The following RFX3 variants were observed in gnomAD, a reference collection of about 807,000 sequenced individuals.
The protein encoded by RFX3 is regulatory factor X3.
Under a neutral mutation model 98.6 loss-of-function variants are expected in RFX3, and 14 were observed. The observed-to-expected ratio is 0.14, with a 90% CI of 0.09 to 0.22. The LOEUF (loss-of-function observed/expected upper bound fraction) is 0.22, where lower values mean the gene tolerates loss of function less well. RFX3 is among the 10% of genes least tolerant of loss of function. The pLI, the probability that RFX3 is intolerant of heterozygous loss-of-function variation, is 1.00. For synonymous variants in RFX3, 383 were observed against 328.4 expected (o/e 1.17, Z -1.80); for missense variants, 639 against 926.9 (o/e 0.69, Z 4.03).
At chr9:3,359,404 A>G (rs1836153427) in intron 2 of RFX3, among the ~76,000 whole-genome samples, 1 of 152,016 alleles carries the variant, frequency 6.6e-6, no homozygotes, top group Non-Finnish European at 1.5e-5. Flanking sequence ...CTTTGTTATA[A>G]TAGTAAAGGT....
At chr9:3,392,257 G>C (rs1000075559) in intron 2 of RFX3, among the ~76,000 whole-genome samples, 1 of 151,314 alleles carries the variant, frequency 6.6e-6, no homozygotes, top group Non-Finnish European at 1.5e-5. Context: ...GAAAGACAGA[G>C]ACATAGTAAA....
At chr9:3,392,745 C>G (rs1398414989) in intron 2 of RFX3, among the ~76,000 whole-genome samples, 1 of 151,862 alleles carries the variant, frequency 6.6e-6, no homozygotes, top group African/African-American at 2.4e-5. Flanking sequence ...ATCACATAAA[C>G]CACATAAAAA....
intron 1 of RFX3, among the ~76,000 whole-genome samples, chr9:3,455,364 C>T (rs900547227): frequency 6.6e-6 from 1 of 151,876 alleles, no homozygotes; most frequent in Non-Finnish European, 1.5e-5. Flanking sequence ...TCAGGCAAGC[C>T]TTCCCTTCCC....
intron 4 of RFX3, among the ~76,000 whole-genome samples, chr9:3,311,301 G>C (rs78869193): frequency 0.058 from 8,889 of 152,190 alleles, 852 homozygotes; most frequent in African/African-American, 0.2. Context: ...TACCTGGTTT[G>C]CATCTTGAGA....
chr9:3,390,521 T>C (rs1840197620), intron 2 of RFX3, among the ~76,000 whole-genome samples: 2 of 152,230 alleles, frequency 1.3e-5, no homozygotes, highest in East Asian at 3.9e-4. Flanking sequence ...AGCAAACTTG[T>C]GGGGAATTGC....
chr9:3,508,507 A>G (rs1587898050), intron 1 of RFX3, among the ~76,000 whole-genome samples: 1 of 151,996 alleles, frequency 6.6e-6, no homozygotes. Flanking sequence ...CATCTGAAAC[A>G]GCGGCATTAA....
chr9:3,439,249 C>T (rs540508727), intron 1 of RFX3, among the ~76,000 whole-genome samples: 18 of 152,052 alleles, frequency 1.2e-4, no homozygotes, highest in Middle Eastern at 3.4e-3. Flanking sequence ...ATAGCCTCTG[C>T]TTCCACCCTG....
rs143423074 is a variant in RFX3, at chr9:3,293,905, T to A, written c.550-647A>T. On this transcript the variant is annotated intron_variant, in intron 5 of 16. Transcript: ENST00000617270. ...ACATGTAATGAAAAGGAATCATTTA[T>A]TACAACCATTTTAATTTTTCTACCT... Among the ~76,000 whole-genome samples, 926 of 152,298 alleles carry A rather than the reference T, an allele frequency of 6.1e-3. 3 individuals carry two copies. The highest frequency in any genetic ancestry group is 9.9e-3 in the Non-Finnish European group (670 of 68,014).
At chr9:3,245,299 C>A (rs952827919) in intron 15 of RFX3, among the ~76,000 whole-genome samples, 1 of 152,048 alleles carries the variant, frequency 6.6e-6, no homozygotes. Context: ...GTAGAAAGAA[C>A]CATTTATGCA....
At chr9:3,432,586 CA>C (rs990086826) in intron 1 of RFX3, among the ~76,000 whole-genome samples, 3 of 150,856 alleles carry the variant, frequency 2.0e-5, no homozygotes, top group Non-Finnish European at 4.4e-5. Flanking sequence ...TAGATGTGGC[CA>C]AAAAAAAGGT....
At position 3,395,866 on chromosome 9, in the gene RFX3, C is replaced by A. The variant is rs558718304; in HGVS notation, c.-8-270G>T. Among the ~76,000 whole-genome samples the A allele has an allele frequency of 5.3e-5, 8 of 152,246 alleles. No homozygotes were observed. The South Asian group carries it at 1.7e-3, about 32-fold the overall frequency. ...AATTTCATTGAAAGCTACCTTCTAT[C>A]TCATTTGTTATAAATTGTTTAAATC... On this transcript the variant is annotated intron_variant, in intron 1 of 16. Coordinates refer to ENST00000617270, the MANE Select transcript of RFX3 (RefSeq NM_001282116.2).
chr9:3,433,916 T>C (rs1461823895), intron 1 of RFX3, among the ~76,000 whole-genome samples: 2 of 152,120 alleles, frequency 1.3e-5, no homozygotes, highest in Admixed American at 1.3e-4. Flanking sequence ...GGCATGGCTG[T>C]CCCAATAAAA....
chr9:3,289,502 C>T (rs551569360), intron 6 of RFX3, among the ~76,000 whole-genome samples: 6 of 152,170 alleles, frequency 3.9e-5, no homozygotes, highest in South Asian at 2.1e-4. Flanking sequence ...CAATTTGTGG[C>T]GTTCTCCTGT....
At chr9:3,247,986 T>C in intron 15 of RFX3, 46 bp downstream of exon 15, 1 of 1,614,076 alleles carries the variant, frequency 6.2e-7, no homozygotes, top group Non-Finnish European at 8.5e-7. Context: ...AATTCTGGCT[T>C]ATTTTTAATA....
At position 3,219,932 on chromosome 9, in the gene RFX3, C is replaced by G. The variant is rs891684114; in HGVS notation, c.*5110G>C. On this transcript the variant is annotated 3_prime_UTR_variant, in exon 17 of 17. Coordinates refer to ENST00000617270, the MANE Select transcript of RFX3 (RefSeq NM_001282116.2). Reference sequence around the variant, plus strand: ...GCAGCGCAAGCACATCTGCAGACAACACTGCTTTCATGTTCGATCACGCAG... The same window carrying G: ...GCAGCGCAAGCACATCTGCAGACAAGACTGCTTTCATGTTCGATCACGCAG... 2 of 152,182 alleles carry G rather than the reference C, an allele frequency of 1.3e-5. No individual in the cohort carries two copies. Among genetic ancestry groups the G allele is most frequent in the African/African-American group, 2.4e-5 (1 of 41,434 alleles). 9.4% of individuals were successfully genotyped at this position (152,182 alleles called of 1,614,324 possible). A position where few individuals can be genotyped will look rare whatever the true frequency, so the allele number is the denominator to read the frequency against.
chr9:3,496,199 T>C (rs1851096347), intron 1 of RFX3, among the ~76,000 whole-genome samples: 1 of 152,012 alleles, frequency 6.6e-6, no homozygotes, highest in South Asian at 2.1e-4. Flanking sequence ...CCTCGTTGTA[T>C]ATATTTACTA....
chr9:3,486,586 A>G (rs1288751709), intron 1 of RFX3, among the ~76,000 whole-genome samples: 1 of 152,178 alleles, frequency 6.6e-6, no homozygotes, highest in African/African-American at 2.4e-5. Context: ...AAACTTTATT[A>G]GTTCAGAGTG....
At chr9:3,231,316 G>A (rs1341729189) in intron 15 of RFX3, among the ~76,000 whole-genome samples, 2 of 152,182 alleles carry the variant, frequency 1.3e-5, no homozygotes, top group Admixed American at 1.3e-4. Context: ...CATTTTACAT[G>A]TGAGGGGACA....
chr9:3,334,630 T>A (rs1656761373), intron 3 of RFX3, among the ~76,000 whole-genome samples: 1 of 151,780 alleles, frequency 6.6e-6, no homozygotes, highest in Admixed American at 6.6e-5. Flanking sequence ...ATCGTGCGAC[T>A]GTGGAGAAGC....
Sources: allele counts gnomAD v4.1 joint callset (sites outside exome capture counted in the v4.1 genomes callset), GRCh38; gene constraint gnomAD v4.1.1; transcripts MANE v1.5; gene names NCBI Gene and HGNC (gene_info 2026-07-23, HGNC 2026-07-21).